Variants in UNC45B observed in about 807,000 individuals in gnomAD.
UNC45B encodes protein unc-45 homolog B.
In UNC45B, 78 loss-of-function variants were observed where a neutral mutation model predicts 98.7. The observed-to-expected ratio is 0.79, with a 90% confidence interval of 0.66 to 0.95. The LOEUF is 0.95. Among genes scored for constraint, UNC45B ranks in the 40% least tolerant of loss-of-function variants. UNC45B has a pLI of 0.00. For missense variants in UNC45B, 1,225 were observed against 1,184.9 expected (o/e 1.03, Z -0.50); for synonymous variants, 462 against 480.4 (o/e 0.96, Z 0.50).
chr17:35,172,514 G>A (rs1028713578), intron 13 of UNC45B, among the ~76,000 whole-genome samples: 2 of 152,178 alleles, frequency 1.3e-5, no homozygotes, highest in South Asian at 2.1e-4. Context: ...CTCCTAAAGC[G>A]TTGGGAATCC....
intron 2 of UNC45B, 121 bp downstream of exon 2, chr17:35,148,552 G>A: frequency 3.3e-6 from 4 of 1,204,196 alleles, no homozygotes; most frequent in Non-Finnish European, 4.5e-6. Context: ...GGATGCCTGG[G>A]GTTGGAGAAG....
At position 35,180,926 on chromosome 17, in the gene UNC45B, G is replaced by A. The variant is rs543037183; in HGVS notation, c.2373+250G>A. On this transcript the variant is annotated intron_variant, in intron 18 of 19. Coordinates refer to ENST00000394570, the MANE Select transcript of UNC45B (RefSeq NM_001267052.2). ...TCAATCCAGACCCTGGGCTAGATGA[G>A]GTGGAAGGCACCATTTCCCTAAGTT... 7.9e-4 allele frequency among the ~76,000 whole-genome samples: 120 copies of A among 152,238 alleles called. No homozygotes were observed. In the Middle Eastern group the frequency reaches 0.01, roughly 13 times the overall value.
chr17:35,176,203 A>T (rs1262774415), intron 15 of UNC45B, among the ~76,000 whole-genome samples, 169 bp downstream of exon 15: 1 of 152,054 alleles, frequency 6.6e-6, no homozygotes, highest in Admixed American at 6.6e-5. Flanking sequence ...TTATGCTATG[A>T]TGGTATGTAC....
chr17:35,162,100 A>G (rs1412857964), intron 8 of UNC45B, among the ~76,000 whole-genome samples: 1 of 152,164 alleles, frequency 6.6e-6, no homozygotes, highest in Non-Finnish European at 1.5e-5. Context: ...TTTAAATAAT[A>G]AATTGGTAAT....
chr17:35,148,983 T>A lies in UNC45B; in HGVS notation c.179T>A (p.Val60Asp). 2 of 1,614,084 alleles carry A rather than the reference T, an allele frequency of 1.2e-6. No individual in the cohort carries two copies. The highest frequency in any genetic ancestry group is 1.7e-6 in the Non-Finnish European group (2 of 1,180,020). ...AACGLKTESY[V>D]QAASDASRAI... is the part of the protein sequence containing the mutation. ...TTCCCCTTTCCTCAGGAGAGCTACGTCCAGGCAGCTTCAGATGCCTCCAGA... is the reference window on the plus strand; with the variant it reads ...TTCCCCTTTCCTCAGGAGAGCTACGACCAGGCAGCTTCAGATGCCTCCAGA... Residue 60 changes from valine to aspartate, a missense_variant, in exon 3 of 20, where the codon GTC (valine) becomes GAC (aspartate). By Grantham distance (152) the Val-to-Asp change is radical. Transcript: ENST00000394570.
At chr17:35,148,203 G>T in intron 1 of UNC45B, 61 bp from the exon 2 acceptor site, 1 of 1,590,888 alleles carries the variant, frequency 6.3e-7, no homozygotes, top group Non-Finnish European at 8.6e-7. Context: ...CTCAGGCCAG[G>T]AGCCCAGCCC....
rs1308834407 is a variant in UNC45B, at chr17:35,168,250, T to A, written c.1341T>A (p.His447Gln). ...DQLVAVEALI[H>Q]ASTKLSRATF... ...TGGTGGCCGTGGAGGCCCTCATCCA[T>A]GCCTCCACGAAGCTCAGCCGCGCCA... is the stretch of plus-strand genomic sequence containing the variant. Residue 447 changes from histidine to glutamine, a missense_variant, in exon 10 of 20, where the codon CAT becomes CAA. By Grantham distance (24) the His-to-Gln change is conservative. Transcript: ENST00000394570. 2 of 1,578,722 alleles carry A rather than the reference T, an allele frequency of 1.3e-6. No homozygotes were observed. The highest frequency in any genetic ancestry group is 2.7e-5 in the African/African-American group (2 of 73,326).
intron 7 of UNC45B, among the ~76,000 whole-genome samples, chr17:35,157,557 G>A (rs2092072810): frequency 6.6e-6 from 1 of 152,100 alleles, no homozygotes; most frequent in Non-Finnish European, 1.5e-5. Flanking sequence ...CTGGGTCAAA[G>A]GCTATGAGAA....
Position 35,183,422 on chromosome 17 carries a change from CACAGGT to C in UNC45B, c.2375_2380del (p.Val792_Gln793del). 2 of 1,547,846 alleles carry C rather than the reference CACAGGT, an allele frequency of 1.3e-6. No homozygotes were observed. The highest frequency in any genetic ancestry group is 1.7e-6 in the Non-Finnish European group (2 of 1,146,864). On this transcript the variant is annotated splice_acceptor_variant and splice_polypyrimidine_tract_variant and coding_sequence_variant and intron_variant, in exon 19 of 20. Transcript: ENST00000394570. LOFTEE classifies it high-confidence loss of function. ...TTCTCTGAGCCATGTTCCTGCCTCC[CACAGGT>C]ACAGGAAAGGTTCTTGGCTGACGGG...
intron 6 of UNC45B, 65 bp downstream of exon 6, chr17:35,154,806 G>T: frequency 6.8e-7 from 1 of 1,478,874 alleles, no homozygotes; most frequent in South Asian, 1.4e-5. Flanking sequence ...GGAGGGTGAC[G>T]TGTGGTCAGG....
intron 14 of UNC45B, among the ~76,000 whole-genome samples, chr17:35,175,677 C>T (rs2092227446): frequency 6.6e-6 from 1 of 152,170 alleles, no homozygotes; most frequent in African/African-American, 2.4e-5. Context: ...ACCTGGGGCA[C>T]ATCCATTGAA....
intron 19 of UNC45B, 105 bp downstream of exon 19, chr17:35,183,687 A>C: frequency 8.2e-7 from 1 of 1,223,016 alleles, no homozygotes; most frequent in East Asian, 2.9e-5. Flanking sequence ...TCCTAAAGAA[A>C]CCCCTCGCAG....
At chr17:35,180,822 T>C (rs2092269000) in intron 18 of UNC45B, 146 bp downstream of exon 18, 1 of 582,128 alleles carries the variant, frequency 1.7e-6, no homozygotes, top group South Asian at 2.2e-5. Flanking sequence ...CCTAAATATT[T>C]CCTAGATTAT....
intron 13 of UNC45B, among the ~76,000 whole-genome samples, chr17:35,172,215 T>C (rs1015604462): frequency 1.3e-5 from 2 of 152,186 alleles, no homozygotes; most frequent in Non-Finnish European, 2.9e-5. Flanking sequence ...AATATGTTTT[T>C]CACATTGCCA....
chr17:35,155,813 G>C (rs1019975570), intron 7 of UNC45B, among the ~76,000 whole-genome samples: 1 of 152,130 alleles, frequency 6.6e-6, no homozygotes, highest in Non-Finnish European at 1.5e-5. Flanking sequence ...CAGGTGATCT[G>C]CCTGCCTTGG....
At chr17:35,173,282 T>C (rs1825062) in intron 13 of UNC45B, among the ~76,000 whole-genome samples, 56,108 of 151,968 alleles carry the variant, frequency 0.37, 10,459 homozygotes, top group Middle Eastern at 0.43. Flanking sequence ...CGCTCCACCA[T>C]GCCCAGCTAA....
At chr17:35,179,138 T>A in intron 17 of UNC45B, among the ~76,000 whole-genome samples, 1 of 152,236 alleles carries the variant, frequency 6.6e-6, no homozygotes, top group East Asian at 1.9e-4. Flanking sequence ...CCATAAACTA[T>A]CTTGGGCAGT....
chr17:35,167,984 T>C (rs1335898534), intron 9 of UNC45B, 77 bp from the exon 10 acceptor site: 2 of 1,348,064 alleles, frequency 1.5e-6, no homozygotes, highest in Non-Finnish European at 1.9e-6. Flanking sequence ...CAAATCCAAA[T>C]CCTACTGCCT....
chr17:35,184,391 T>C (rs1200619382), intron 19 of UNC45B, among the ~76,000 whole-genome samples: 2 of 152,216 alleles, frequency 1.3e-5, no homozygotes, highest in Admixed American at 6.5e-5. Flanking sequence ...GTTAGAACAG[T>C]TTCCCAACGT....
Sources: allele counts gnomAD v4.1 joint callset (sites outside exome capture counted in the v4.1 genomes callset), GRCh38; gene constraint gnomAD v4.1.1; transcripts MANE v1.5; gene names NCBI Gene and HGNC (gene_info 2026-07-23, HGNC 2026-07-21).